The following CAMSAP1 variants were observed in gnomAD, a reference collection of about 807,000 sequenced individuals.
The protein encoded by CAMSAP1 is calmodulin regulated spectrin associated protein 1, also known as calmodulin-regulated spectrin-associated protein 1.
Under a neutral mutation model 143.5 loss-of-function variants are expected in CAMSAP1, and 58 were observed. The ratio of observed to expected loss-of-function variants is 0.40; its 90% confidence interval spans 0.33 to 0.50. The LOEUF (loss-of-function observed/expected upper bound fraction) is 0.50. Among genes scored for constraint, CAMSAP1 ranks in the 20% least tolerant of loss-of-function variants. The pLI is 0.45. For missense variants in CAMSAP1, 1,969 were observed against 2,115.7 expected (o/e 0.93, Z 1.36); for synonymous variants, 945 against 859.3 (o/e 1.10, Z -1.74).
intron 14 of CAMSAP1, among the ~76,000 whole-genome samples, chr9:135,817,566 T>G (rs1835274503): frequency 6.6e-6 from 1 of 152,022 alleles, no homozygotes; most frequent in South Asian, 2.1e-4. Flanking sequence ...TAACTTTTTT[T>G]TGTATTTTTT....
In CAMSAP1 at chr9:135,881,663, G is replaced by T. The variant is rs759028902; in HGVS notation, c.555C>A (p.Leu185=). The T allele has an allele frequency of 6.4e-7, 1 of 1,551,586 alleles. No individual in the cohort carries two copies. Among genetic ancestry groups the T allele is most frequent in the South Asian group, 1.2e-5 (1 of 84,062 alleles). ...FSASKELPYD[L]EDAMVFWINK... ...TGATCCAGAACACCATGGCATCCTC[G>T]AGGTCGTACGGAAGTTCTTTCGAGG... Residue 185 remains leucine (L), a synonymous_variant, in exon 3 of 17, where the codon CTC becomes CTA. Transcript: ENST00000389532.
intron 3 of CAMSAP1, among the ~76,000 whole-genome samples, chr9:135,873,929 G>C (rs1302172814): frequency 6.6e-6 from 1 of 151,888 alleles, no homozygotes; most frequent in Non-Finnish European, 1.5e-5. Flanking sequence ...AAAAAAACTA[G>C]AGACCAGTAT....
At chr9:135,836,090 GAA>G (rs1436278784) in intron 7 of CAMSAP1, 1 of 985,026 alleles carries the variant, frequency 1.0e-6, no homozygotes, top group Non-Finnish European at 1.2e-6. Context: ...AGAAACTTCG[GAA>G]AGAGAGCTGC....
Position 135,845,482 on chromosome 9 carries a change from C to T in CAMSAP1, c.1045+4655G>A, listed in dbSNP as rs187639337. Among the ~76,000 whole-genome samples, 460 of 152,342 alleles carry T rather than the reference C, an allele frequency of 3.0e-3. 6 individuals carry two copies. The highest frequency in any genetic ancestry group is 0.01 in the African/African-American group (433 of 41,570). On this transcript the variant is annotated intron_variant, in intron 7 of 16. Transcript: ENST00000389532. The stretch of plus-strand genomic sequence containing the variant: ...AAGACAAGGATGCCCTCTCTCACCA[C>T]TCCTATTCAACACAGTATTGGAAGT...
intron 7 of CAMSAP1, among the ~76,000 whole-genome samples, chr9:135,829,468 G>A (rs894730547): frequency 6.6e-6 from 1 of 152,218 alleles, no homozygotes; most frequent in African/African-American, 2.4e-5. Flanking sequence ...AGTGAGCAAT[G>A]ATCAAGCCAC....
intron 3 of CAMSAP1, among the ~76,000 whole-genome samples, chr9:135,881,033 C>T (rs1280712636): frequency 6.6e-6 from 1 of 151,876 alleles, no homozygotes; most frequent in Admixed American, 6.6e-5. Context: ...TAGGTGCATA[C>T]TATGAAAATA....
intron 1 of CAMSAP1, among the ~76,000 whole-genome samples, chr9:135,891,602 G>A (rs1234730710): frequency 6.6e-6 from 1 of 152,212 alleles, no homozygotes; most frequent in Admixed American, 6.5e-5. Flanking sequence ...GACTTTAACA[G>A]GACCCAGAAA....
At chr9:135,814,848 A>G (rs973796644) in intron 16 of CAMSAP1, among the ~76,000 whole-genome samples, 1 of 152,130 alleles carries the variant, frequency 6.6e-6, no homozygotes, top group Non-Finnish European at 1.5e-5. Context: ...CAGAGGCACC[A>G]CATGAGGATG....
rs1223399139 is a variant in CAMSAP1, at chr9:135,819,135, T to C, written c.3834A>G (p.Lys1278=). The C allele has an allele frequency of 1.9e-6, 3 of 1,601,702 alleles. No individual in the cohort carries two copies. Among genetic ancestry groups the C allele is most frequent in the Non-Finnish European group, 2.6e-6 (3 of 1,175,586 alleles). Residue 1278 remains lysine, a synonymous_variant, in exon 12 of 17, where the codon AAA becomes AAG. Transcript: ENST00000389532. ...GVGFFFKDEQ[K]AEDELAKKRA... ...GCTTCTTGGCGAGCTCATCTTCCGC[T>C]TTCTGTTCATCCTGCAAGACAGAGG...
rs1836721018 is a variant in CAMSAP1 at position 135,850,137 on chromosome 9, C to T, written c.1045G>A (p.Ala349Thr). The stretch of plus-strand genomic sequence containing the variant: ...AACCTGGGGAATATCTGTCACTCAC[C>T]GTCTTTCAGCTCCTGAACATCCCTG... Reference protein sequence around the residue: ...QPRDVQELKDAKTVLHQKSSR... With the variant: ...QPRDVQELKDTKTVLHQKSSR... The change falls in exon 7 of 17, where the codon GCG (alanine) becomes ACG (threonine). Residue 349 changes from alanine (A) to threonine (T), a missense_variant and splice_region_variant. Around this residue, in one of 4 missense-constraint regions of CAMSAP1, gnomAD observed 221 missense variants for 298.2 expected, o/e 0.74. Coordinates refer to ENST00000389532, the MANE Select transcript of CAMSAP1 (RefSeq NM_015447.4). 2.5e-6 allele frequency: 4 copies of T among 1,604,688 alleles called. No homozygotes were observed. Among genetic ancestry groups the T allele is most frequent in the Non-Finnish European group, 3.4e-6 (4 of 1,175,924 alleles).
rs1834991516 is a variant in CAMSAP1, at chr9:135,810,125, G to A, written c.*1184C>T. On this transcript the variant is annotated 3_prime_UTR_variant, in exon 17 of 17. Transcript: ENST00000389532. ...CCATGGCTGGCACGCACCTGCTCCT[G>A]GGAATGTCCGCGCTCCACAGAAGCA... is the stretch of plus-strand genomic sequence containing the variant. 1 of 152,546 alleles carries A rather than the reference G, an allele frequency of 6.6e-6. No individual in the cohort carries two copies. The highest frequency in any genetic ancestry group is 1.5e-5 in the Non-Finnish European group (1 of 68,040). The allele number at this position is 152,546 out of a possible 1,614,324, so 9.4% of individuals were successfully genotyped here. A position where few individuals can be genotyped will look rare whatever the true frequency, so the allele number is the denominator to read the frequency against.
chr9:135,894,353 C>T (rs915510089), intron 1 of CAMSAP1, among the ~76,000 whole-genome samples: 1 of 152,142 alleles, frequency 6.6e-6, no homozygotes, highest in African/African-American at 2.4e-5. Context: ...GGAAGCCATC[C>T]GAGGGGAGGG....
At chr9:135,829,141 T>C (rs577348436) in intron 7 of CAMSAP1, among the ~76,000 whole-genome samples, 58 of 152,292 alleles carry the variant, frequency 3.8e-4, no homozygotes, top group Non-Finnish European at 6.9e-4. Flanking sequence ...AAGGGAAATA[T>C]ACAGACACAA....
Position 135,817,151 on chromosome 9 carries a change from G to A in CAMSAP1, c.4271+826C>T, listed in dbSNP as rs36056648. ...GCTCTGGATCGAAGGAGACTACAGG[G>A]ACATGGCATTTCAAGGCCATTCATC... On this transcript the variant is annotated intron_variant, in intron 14 of 16. Transcript: ENST00000389532. Among the ~76,000 whole-genome samples the A allele has an allele frequency of 4.7e-3, 722 of 152,308 alleles. 2 individuals are homozygous for A. The highest frequency in any genetic ancestry group is 8.7e-3 in the Non-Finnish European group (593 of 68,032).
intron 5 of CAMSAP1, among the ~76,000 whole-genome samples, chr9:135,854,756 T>C (rs1836895102): frequency 2.0e-5 from 3 of 152,024 alleles, no homozygotes; most frequent in Admixed American, 2.0e-4. Context: ...ACCCAGCAAA[T>C]TTGCCAATTT....
In CAMSAP1 at chr9:135,844,364, C is replaced by T. The variant is rs368848712; in HGVS notation, c.1045+5773G>A. ...TCCTGAATGACTACTGGGTAAATTA[C>T]GAAATTAAGGCAGAAATAAAGAAGT... On this transcript the variant is annotated intron_variant, in intron 7 of 16. Transcript: ENST00000389532. Among the ~76,000 whole-genome samples the T allele has an allele frequency of 9.9e-5, 15 of 152,112 alleles. No individual in the cohort carries two copies. The South Asian group carries it at 2.5e-3, about 25-fold the overall frequency.
At chr9:135,883,235 G>A (rs373301654) in intron 1 of CAMSAP1, among the ~76,000 whole-genome samples, 157 bp from the exon 2 acceptor site, 2 of 152,166 alleles carry the variant, frequency 1.3e-5, no homozygotes, top group Non-Finnish European at 2.9e-5. Context: ...TTGATTAAAT[G>A]AGCAACTAAC....
In CAMSAP1 at chr9:135,866,391, A is replaced by T. The variant is rs1012196621; in HGVS notation, c.666+65T>A. 3 of 816,678 alleles carry T rather than the reference A, an allele frequency of 3.7e-6. No individual in the cohort carries two copies. The Admixed American group carries it at 6.4e-5, about 17-fold the overall frequency. The allele number at this position is 816,678 out of a possible 1,614,324, so 50.6% of individuals were successfully genotyped here. On this transcript the variant is annotated intron_variant, in intron 4 of 16. Transcript: ENST00000389532. Reference sequence around the variant, plus strand: ...ATAAGCAAATAGTGGGAACTAACAGAATTCTTTAAAATTGGGACCAACATT... The same window carrying T: ...ATAAGCAAATAGTGGGAACTAACAGTATTCTTTAAAATTGGGACCAACATT...
rs201669748 is a variant in CAMSAP1, at chr9:135,820,771, C to CTGCACGTG, written c.3822+67_3822+68insCACGTGCA. On this transcript the variant is annotated intron_variant, in intron 11 of 16. Coordinates refer to ENST00000389532, the MANE Select transcript of CAMSAP1 (RefSeq NM_015447.4). This position sits in a 1 kb window ranked among gnomAD's most constrained non-coding sequence, Gnocchi z 4.4. ...CCAGCCTGGTGCAGATCTGTGTTCT[C>CTGCACGTG]TAACTCACTATCACGTGGGGTGGCA... 1.7e-3 allele frequency: 2,641 copies of CTGCACGTG among 1,565,534 alleles called. 62 individuals carry two copies. In the East Asian group the frequency reaches 0.042, roughly 25 times the overall value.
Sources: gnomAD v4.1 joint callset for allele counts (sites outside exome capture counted in the v4.1 genomes callset) on GRCh38, gnomAD v4.1.1 for gene constraint, gnomAD v4.1.1 regional missense constraint, Gnocchi (gnomAD v3.1) non-coding constraint, MANE v1.5 for transcripts, NCBI Gene and HGNC (gene_info 2026-07-23, HGNC 2026-07-21) for gene names.